Variants in CNTNAP2 observed in about 807,000 individuals in gnomAD.
CNTNAP2 encodes the protein contactin associated protein 2.
A neutral mutation model predicts 155.2 loss-of-function variants in CNTNAP2; 98 were observed. The ratio of observed to expected loss-of-function variants is 0.63; its 90% CI spans 0.54 to 0.75. The LOEUF (loss-of-function observed/expected upper bound fraction) is 0.75. Among genes scored for constraint, CNTNAP2 ranks in the 30% least tolerant of loss-of-function variants. CNTNAP2 has a pLI of 0.00. For missense variants in CNTNAP2, 1,727 were observed against 1,688.1 expected (o/e 1.02, Z -0.40); for synonymous variants, 651 against 631.2 (o/e 1.03, Z -0.47).
intron 13 of CNTNAP2, among the ~76,000 whole-genome samples, chr7:147,860,589 C>CAAAAAAAAAAAAAAAAA (rs11342244): frequency 3.1e-4 from 38 of 124,368 alleles, no homozygotes; most frequent in Admixed American, 1.3e-3. Context: ...GACTCTGTCT[C>CAAAAAAAAAAAAAAAAA]AAAAAAAAAA....
At chr7:148,248,602 G>A (rs1166799329) in intron 20 of CNTNAP2, among the ~76,000 whole-genome samples, 3 of 151,914 alleles carry the variant, frequency 2.0e-5, no homozygotes, top group Admixed American at 1.3e-4. Context: ...TTTTTTAATT[G>A]CTGGGTGGTA....
chr7:147,856,583 A>C (rs561822790), intron 13 of CNTNAP2, among the ~76,000 whole-genome samples: 1 of 151,308 alleles, frequency 6.6e-6, no homozygotes, highest in East Asian at 1.9e-4. Context: ...CCCAATACTT[A>C]TCTGTTGACA....
At chr7:147,621,021 A>G (rs991882317) in intron 12 of CNTNAP2, among the ~76,000 whole-genome samples, 1 of 152,214 alleles carries the variant, frequency 6.6e-6, no homozygotes, top group African/African-American at 2.4e-5. Context: ...GAGCTTCAAT[A>G]TGTCTGGTAG....
Position 146,955,993 on chromosome 7 carries a change from G to GT in CNTNAP2, c.403-87906dup, listed in dbSNP as rs371066926. ...TTTTATCCTTTCTTATTATGTATAC[G>GT]TTTTTTTTCATTAATAGTGTTCCCC... On this transcript the variant is annotated intron_variant, in intron 3 of 23. Coordinates refer to ENST00000361727, the MANE Select transcript of CNTNAP2 (RefSeq NM_014141.6). Among the ~76,000 whole-genome samples the GT allele has an allele frequency of 4.9e-4, 74 of 151,022 alleles. 1 individual carries two copies. The highest frequency in any genetic ancestry group is 1.7e-3 in the African/African-American group (68 of 40,878).
chr7:146,139,956 G>A (rs1262906355), intron 1 of CNTNAP2, among the ~76,000 whole-genome samples: 2 of 152,156 alleles, frequency 1.3e-5, no homozygotes, highest in South Asian at 2.1e-4. Context: ...TTCATAAGCA[G>A]TTTTAGGTAT....
intron 15 of CNTNAP2, among the ~76,000 whole-genome samples, chr7:148,096,542 A>G (rs1341249483): frequency 6.6e-6 from 1 of 152,136 alleles, no homozygotes; most frequent in East Asian, 1.9e-4. Flanking sequence ...AACAGGGGTG[A>G]ATATTCATGA....
intron 3 of CNTNAP2, among the ~76,000 whole-genome samples, chr7:147,032,164 A>C (rs2129250499): frequency 6.6e-6 from 1 of 152,366 alleles, no homozygotes; most frequent in Non-Finnish European, 1.5e-5. Flanking sequence ...TTTTTAAAAA[A>C]ATGACGTATT....
intron 21 of CNTNAP2, among the ~76,000 whole-genome samples, chr7:148,317,970 C>T (rs533244638): frequency 6.6e-6 from 1 of 152,048 alleles, no homozygotes; most frequent in East Asian, 1.9e-4. Flanking sequence ...CGTGAGCCTC[C>T]GTGCCCGGCC....
intron 21 of CNTNAP2, among the ~76,000 whole-genome samples, chr7:148,356,673 C>T (rs1427656206): frequency 6.6e-6 from 1 of 152,118 alleles, no homozygotes; most frequent in African/African-American, 2.4e-5. Flanking sequence ...ATTTGCCAAA[C>T]ATGGACAAAG....
chr7:148,174,903 C>T (rs1794905386), intron 18 of CNTNAP2, among the ~76,000 whole-genome samples: 1 of 152,048 alleles, frequency 6.6e-6, no homozygotes, highest in Non-Finnish European at 1.5e-5. Flanking sequence ...GCTCTCTCTC[C>T]CCTTGCCGCC....
chr7:148,012,798 A>C (rs60119393), intron 15 of CNTNAP2, among the ~76,000 whole-genome samples: 10,078 of 152,206 alleles, frequency 0.066, 764 homozygotes, highest in African/African-American at 0.19. Flanking sequence ...GCTAAAAGTA[A>C]TGTTACTTTT....
chr7:146,371,430 A>G (rs1795234316), intron 1 of CNTNAP2, among the ~76,000 whole-genome samples: 2 of 130,700 alleles, frequency 1.5e-5, no homozygotes, highest in African/African-American at 6.1e-5. Flanking sequence ...GTGCAGTGGC[A>G]TGATCTCCGC....
intron 13 of CNTNAP2, among the ~76,000 whole-genome samples, chr7:147,771,410 T>C (rs1174928255): frequency 4.6e-5 from 7 of 152,204 alleles, no homozygotes; most frequent in African/African-American, 1.4e-4. Flanking sequence ...TAGCAACATA[T>C]AACTCTGACA....
At chr7:147,210,333 G>A (rs1803120620) in intron 8 of CNTNAP2, among the ~76,000 whole-genome samples, 1 of 151,916 alleles carries the variant, frequency 6.6e-6, no homozygotes, top group Admixed American at 6.6e-5. Flanking sequence ...GAGATTGTAT[G>A]TTTTCAGGAA....
intron 15 of CNTNAP2, among the ~76,000 whole-genome samples, chr7:148,099,158 T>G (rs963778745): frequency 2.6e-5 from 4 of 152,226 alleles, no homozygotes; most frequent in Admixed American, 6.5e-5. Context: ...CACATTAAAC[T>G]TTCCGTGCCT....
chr7:147,403,020 G>A (rs1796945044), intron 10 of CNTNAP2, among the ~76,000 whole-genome samples: 2 of 147,762 alleles, frequency 1.4e-5, no homozygotes, highest in South Asian at 4.3e-4. Context: ...GAGACCTTAA[G>A]ACTGATAGAA....
chr7:147,233,575 CAAAAAAGCAA>C (rs965844400), intron 8 of CNTNAP2, among the ~76,000 whole-genome samples: 62 of 110,494 alleles, frequency 5.6e-4, no homozygotes, highest in Admixed American at 4.1e-3. Context: ...AAATTTTGAC[CAAAAAAGCAA>C]AAAAAAAAAA....
chr7:147,368,096 TCACACACACACACACACACA>T (rs5888250), intron 9 of CNTNAP2, among the ~76,000 whole-genome samples: 6 of 117,096 alleles, frequency 5.1e-5, no homozygotes. Flanking sequence ...TCTCTCTCTG[TCACACACACACACACACACA>T]CACACACACA....
At chr7:148,025,465 G>A (rs1170323961) in intron 15 of CNTNAP2, among the ~76,000 whole-genome samples, 1 of 152,108 alleles carries the variant, frequency 6.6e-6, no homozygotes, top group East Asian at 1.9e-4. Flanking sequence ...TAGCCTCCAA[G>A]TTTTACTATC....
Sources: gnomAD v4.1 joint callset for allele counts (sites outside exome capture counted in the v4.1 genomes callset) on GRCh38, gnomAD v4.1.1 for gene constraint, MANE v1.5 for transcripts, NCBI Gene and HGNC (gene_info 2026-07-23, HGNC 2026-07-21) for gene names.